Variants in IL2RB observed in about 807,000 individuals in gnomAD.
IL2RB encodes interleukin-2 receptor subunit beta.
A neutral mutation model predicts 44.2 loss-of-function variants in IL2RB; 17 were observed. That is an observed-to-expected ratio of 0.38 (90% confidence interval 0.26 to 0.58). IL2RB has a LOEUF of 0.58. Among genes scored for constraint, IL2RB ranks in the 20% least tolerant of loss-of-function variants. The probability of loss-of-function intolerance (pLI) is 0.63; values close to 1 mark genes in which losing one functional copy is unlikely to be tolerated. For missense variants in IL2RB, 624 were observed against 685.5 expected, an observed-to-expected ratio of 0.91 and a Z score of 1.00; for synonymous variants, 286 against 297.9, an observed-to-expected ratio of 0.96 and a Z score of 0.41.
In IL2RB at chr22:37,135,309, G is replaced by A; in HGVS notation, c.818+19C>T. Reference sequence around the variant, plus strand: ...TGGAGGGGTGGGAGCATGAAGGAAGGGGAGGAGAACCTTCTTACCATGGCC... The same window carrying A: ...TGGAGGGGTGGGAGCATGAAGGAAGAGGAGGAGAACCTTCTTACCATGGCC... On this transcript the variant is annotated intron_variant, in intron 8 of 9. Transcript: ENST00000216223. 6.4e-7 allele frequency: 1 copy of A among 1,569,630 alleles called. No homozygotes were observed. The highest frequency in any genetic ancestry group is 8.8e-7 in the Non-Finnish European group (1 of 1,139,724).
In IL2RB at chr22:37,128,172, G is replaced by T; in HGVS notation, c.1580C>A (p.Ala527Asp). The change falls in exon 10 of 10, where the codon GCT becomes GAT. Residue 527 changes from alanine (A) to aspartate (D), a missense_variant. Coordinates refer to ENST00000216223, the MANE Select transcript of IL2RB (RefSeq NM_000878.5). The surrounding 1 kb of genome is among the most constrained non-coding windows in gnomAD (Gnocchi z 4.5). The part of the protein sequence containing the change: ...PGQGEFRALN[A>D]RLPLNTDAYL... ...GGCATCAGTGTTCAGGGGCAGGCGA[G>T]CATTAAGGGCCCTGAACTCCCCCTG... 1 of 1,559,782 alleles carries T rather than the reference G, an allele frequency of 6.4e-7. No homozygotes were observed. The highest frequency in any genetic ancestry group is 8.6e-7 in the Non-Finnish European group (1 of 1,158,380).
intron 1 of IL2RB, among the ~76,000 whole-genome samples, chr22:37,149,105 G>T (rs1355336227): frequency 2.0e-5 from 3 of 152,118 alleles, no homozygotes; most frequent in Admixed American, 1.3e-4. Context: ...CTCCCCCGAG[G>T]TGCTACAAAC....
chr22:37,139,956 C>T lies in IL2RB; in HGVS notation c.283-734G>A, dbSNP rs528006811. On this transcript the variant is annotated intron_variant, in intron 4 of 9. Coordinates refer to ENST00000216223, the MANE Select transcript of IL2RB (RefSeq NM_000878.5). Reference sequence around the variant, plus strand: ...TCCCCCTACAGGGTGACTGCATCTCCGAGTCCTGGCTTGTCATGCCTGACA... The same window carrying T: ...TCCCCCTACAGGGTGACTGCATCTCTGAGTCCTGGCTTGTCATGCCTGACA... Among the ~76,000 whole-genome samples the T allele has an allele frequency of 2.6e-5, 4 of 152,354 alleles. No homozygotes were observed. In the East Asian group the frequency reaches 7.7e-4, roughly 29 times the overall value.
At chr22:37,165,089 A>C (rs911787486) in intron 1 of IL2RB, among the ~76,000 whole-genome samples, 1 of 152,256 alleles carries the variant, frequency 6.6e-6, no homozygotes, top group Non-Finnish European at 1.5e-5. Context: ...CTTGCAGACT[A>C]GGACTCTTAT....
At chr22:37,149,184 T>C (rs1008789939) in intron 1 of IL2RB, among the ~76,000 whole-genome samples, 1 of 152,078 alleles carries the variant, frequency 6.6e-6, no homozygotes, top group Non-Finnish European at 1.5e-5. Context: ...GCCCCAAAGA[T>C]AGGGTCCCAT....
At chr22:37,147,102 C>G (rs919276303) in intron 1 of IL2RB, among the ~76,000 whole-genome samples, 1 of 152,142 alleles carries the variant, frequency 6.6e-6, no homozygotes, top group South Asian at 2.1e-4. Context: ...GGGATCAGAA[C>G]CCAACTCCAC....
intron 1 of IL2RB, among the ~76,000 whole-genome samples, chr22:37,166,523 G>A (rs953059687): frequency 2.6e-5 from 4 of 152,190 alleles, no homozygotes; most frequent in South Asian, 4.1e-4. Context: ...GATCGGGAGC[G>A]CGTAGAGTGA....
chr22:37,143,760 G>A (rs545300501), intron 2 of IL2RB, 125 bp from the exon 3 acceptor site: 122 of 725,368 alleles, frequency 1.7e-4, no homozygotes, highest in Admixed American at 1.0e-3. Flanking sequence ...TCTGGCAAGC[G>A]GAGAAGGGAT....
At chr22:37,132,570 C>G in intron 8 of IL2RB, 102 bp from the exon 9 acceptor site, 1 of 753,330 alleles carries the variant, frequency 1.3e-6, no homozygotes, top group East Asian at 2.7e-5. Flanking sequence ...GGAGCCGCAC[C>G]ACATTTACTT....
chr22:37,147,552 T>C (rs1445839352), intron 1 of IL2RB, among the ~76,000 whole-genome samples: 2 of 152,216 alleles, frequency 1.3e-5, no homozygotes, highest in African/African-American at 4.8e-5. Flanking sequence ...ATTCTACAGA[T>C]GAGGAAACTA....
Position 37,146,205 on chromosome 22 carries a change from G to A in IL2RB, c.-33-2000C>T, listed in dbSNP as rs1480395357. 5.3e-5 allele frequency among the ~76,000 whole-genome samples: 8 copies of A among 152,116 alleles called. No individual in the cohort carries two copies. In the East Asian group the frequency reaches 5.8e-4, roughly 11 times the overall value. On this transcript the variant is annotated intron_variant, in intron 1 of 9. Transcript: ENST00000216223. ...TCCCCACCCTCACCAGGCCAGCCTCGTGCCGTTCCAGCCCAGACAACGGCA... is the reference window on the plus strand; with the variant it reads ...TCCCCACCCTCACCAGGCCAGCCTCATGCCGTTCCAGCCCAGACAACGGCA...
chr22:37,130,037 A>C (rs1391071137), intron 9 of IL2RB, among the ~76,000 whole-genome samples: 1 of 152,222 alleles, frequency 6.6e-6, no homozygotes, highest in Non-Finnish European at 1.5e-5. Flanking sequence ...ACACACACAC[A>C]CACGCTTACA....
At chr22:37,151,604 G>A (rs977455398), upstream of IL2RB, among the ~76,000 whole-genome samples, 2 of 152,204 alleles carry the variant, frequency 1.3e-5, no homozygotes, top group African/African-American at 2.4e-5. Flanking sequence ...GGTTGCATGT[G>A]CTGGTGGGGT....
intron 1 of IL2RB, among the ~76,000 whole-genome samples, chr22:37,166,295 C>T (rs902570171): frequency 1.3e-5 from 2 of 152,208 alleles, no homozygotes; most frequent in Admixed American, 1.3e-4. Flanking sequence ...CGAGAGGAAG[C>T]CCAAAACTGG....
chr22:37,153,719 G>T (rs1922576528), upstream of IL2RB, among the ~76,000 whole-genome samples: 1 of 152,238 alleles, frequency 6.6e-6, no homozygotes, highest in South Asian at 2.1e-4. Flanking sequence ...AGAGCCAGGT[G>T]AGGAAGGGTT....
intron 1 of IL2RB, among the ~76,000 whole-genome samples, chr22:37,144,865 C>T (rs879382667): frequency 6.6e-6 from 1 of 152,226 alleles, no homozygotes; most frequent in Non-Finnish European, 1.5e-5. Flanking sequence ...TTCACAAACA[C>T]ACACAGAGTC....
At chr22:37,132,905 G>A (rs1921502298) in intron 8 of IL2RB, among the ~76,000 whole-genome samples, 1 of 152,246 alleles carries the variant, frequency 6.6e-6, no homozygotes, top group Admixed American at 6.5e-5. Context: ...GCCATGGATG[G>A]TGGTTCAGGT....
chr22:37,161,367 G>A (rs543233636), intron 1 of IL2RB, among the ~76,000 whole-genome samples: 7 of 152,116 alleles, frequency 4.6e-5, no homozygotes, highest in African/African-American at 1.4e-4. Flanking sequence ...ATCTGGGTGC[G>A]CTGCATCTTT....
chr22:37,133,037 G>A (rs1052424507), intron 8 of IL2RB, among the ~76,000 whole-genome samples: 3 of 152,246 alleles, frequency 2.0e-5, no homozygotes, highest in Non-Finnish European at 2.9e-5. Context: ...GTACATCACC[G>A]TGAAGAAAGA....
Sources: allele counts gnomAD v4.1 joint callset (sites outside exome capture counted in the v4.1 genomes callset), GRCh38; gene constraint gnomAD v4.1.1; non-coding constraint Gnocchi (gnomAD v3.1); transcripts MANE v1.5; gene names NCBI Gene and HGNC (gene_info 2026-07-23, HGNC 2026-07-21).